The following PRKN variants were observed in gnomAD, a reference collection of about 807,000 sequenced individuals.
The protein encoded by PRKN is E3 ubiquitin-protein ligase parkin.
A neutral mutation model predicts 59.5 loss-of-function variants in PRKN; 56 were observed. The observed-to-expected ratio is 0.94, with a 90% confidence interval of 0.76 to 1.18. The LOEUF (loss-of-function observed/expected upper bound fraction) is 1.18, where lower values mean the gene tolerates loss of function less well. PRKN is among the 50% of genes most tolerant of loss of function. The pLI, the probability that PRKN is intolerant of heterozygous loss-of-function variation, is 0.00. For missense variants in PRKN, 657 were observed against 596.4 expected, an observed-to-expected ratio of 1.10 and a Z score of -1.06; for synonymous variants, 250 against 222.1, an observed-to-expected ratio of 1.13 and a Z score of -1.12.
chr6:162,591,945 T>C (rs751494259), intron 1 of PRKN, among the ~76,000 whole-genome samples: 1 of 151,932 alleles, frequency 6.6e-6, no homozygotes, highest in South Asian at 2.1e-4. Flanking sequence ...TAATAGCAGT[T>C]AGTATACAGC....
intron 10 of PRKN, among the ~76,000 whole-genome samples, chr6:161,364,774 G>A (rs1231587024): frequency 2.0e-5 from 3 of 151,876 alleles, no homozygotes; most frequent in South Asian, 4.1e-4. Flanking sequence ...CAGCGAAACC[G>A]TCTCTACTAA....
At chr6:161,563,795 T>C (rs1780540099) in intron 8 of PRKN, among the ~76,000 whole-genome samples, 1 of 152,200 alleles carries the variant, frequency 6.6e-6, no homozygotes, top group Non-Finnish European at 1.5e-5. Context: ...AATTAGTAAT[T>C]AACCAGCATT....
At chr6:162,131,398 A>G (rs1276217334) in intron 4 of PRKN, among the ~76,000 whole-genome samples, 1 of 152,196 alleles carries the variant, frequency 6.6e-6, no homozygotes, top group Non-Finnish European at 1.5e-5. Flanking sequence ...TTCATAGCAC[A>G]CATTTCCAGG....
At chr6:161,539,589 T>C (rs931190323) in intron 9 of PRKN, among the ~76,000 whole-genome samples, 2 of 152,242 alleles carry the variant, frequency 1.3e-5, no homozygotes, top group Non-Finnish European at 2.9e-5. Context: ...GCTTTTATTT[T>C]TAACATGTAA....
At chr6:162,581,264 G>T in intron 1 of PRKN, among the ~76,000 whole-genome samples, 1 of 152,164 alleles carries the variant, frequency 6.6e-6, no homozygotes, top group South Asian at 2.1e-4. Context: ...TACTTTTCAG[G>T]AGAGATTTTG....
intron 4 of PRKN, among the ~76,000 whole-genome samples, chr6:162,093,832 G>T (rs116194135): frequency 6.6e-6 from 1 of 152,168 alleles, no homozygotes; most frequent in Non-Finnish European, 1.5e-5. Flanking sequence ...GGACAAAGCC[G>T]TGGTCTTCCT....
At chr6:162,626,902 A>G (rs1782921605) in intron 1 of PRKN, among the ~76,000 whole-genome samples, 1 of 152,214 alleles carries the variant, frequency 6.6e-6, no homozygotes, top group African/African-American at 2.4e-5. Flanking sequence ...TCAATAAAAT[A>G]TTCATTTTAA....
intron 4 of PRKN, among the ~76,000 whole-genome samples, chr6:162,153,589 C>A (rs1351991586): frequency 2.6e-5 from 4 of 152,164 alleles, no homozygotes; most frequent in Non-Finnish European, 5.9e-5. Flanking sequence ...GAATTCTTGT[C>A]TGGTACACTG....
chr6:162,394,082 G>T (rs1206684320), intron 2 of PRKN, among the ~76,000 whole-genome samples: 2 of 152,106 alleles, frequency 1.3e-5, no homozygotes, highest in Non-Finnish European at 2.9e-5. Flanking sequence ...TTATAATCTA[G>T]CTTGTATTTC....
chr6:162,263,573 A>T (rs574005335), intron 2 of PRKN, among the ~76,000 whole-genome samples: 1 of 152,326 alleles, frequency 6.6e-6, no homozygotes, highest in Non-Finnish European at 1.5e-5. Flanking sequence ...AGAAGACTTT[A>T]ACATTTTGTA....
At chr6:161,893,931 C>T (rs1032258712) in intron 6 of PRKN, among the ~76,000 whole-genome samples, 33 of 152,150 alleles carry the variant, frequency 2.2e-4, no homozygotes, top group African/African-American at 7.5e-4. Flanking sequence ...TTTTGGCACA[C>T]GATTTGTCAC....
At chr6:162,537,771 T>C (rs1778779158) in intron 1 of PRKN, among the ~76,000 whole-genome samples, 1 of 152,188 alleles carries the variant, frequency 6.6e-6, no homozygotes, top group Admixed American at 6.5e-5. Flanking sequence ...CCACCAGCAG[T>C]GTCCATCTCC....
rs1256037469 is a variant in PRKN, at chr6:161,442,945, G to A, written c.1084-56068C>T. Among the ~76,000 whole-genome samples the A allele has an allele frequency of 6.6e-6, 1 of 152,222 alleles. No individual in the cohort carries two copies. The highest frequency in any genetic ancestry group is 1.9e-4 in the East Asian group (1 of 5,190). ...GGCAAGCCATTCTCCCCAGTGCACA[G>A]ATGAGGAAATCGGGGCTCTGAGAGG... On this transcript the variant is annotated intron_variant, in intron 9 of 11. Coordinates refer to ENST00000366898, the MANE Select transcript of PRKN (RefSeq NM_004562.3). The surrounding 1 kb of genome is among the most constrained non-coding windows in gnomAD (Gnocchi z 4.6).
chr6:161,654,518 C>A (rs529765822), intron 7 of PRKN, among the ~76,000 whole-genome samples: 5 of 152,268 alleles, frequency 3.3e-5, no homozygotes, highest in Non-Finnish European at 5.9e-5. Context: ...GGGCTTGGAC[C>A]CAGATCCCTT....
At chr6:162,237,493 C>G (rs555947502) in intron 3 of PRKN, among the ~76,000 whole-genome samples, 39 of 152,278 alleles carry the variant, frequency 2.6e-4, no homozygotes, top group African/African-American at 8.4e-4. Context: ...CAGTGCTCCT[C>G]TGAACAACTT....
intron 9 of PRKN, among the ~76,000 whole-genome samples, chr6:161,515,021 T>C (rs762941903): frequency 6.6e-6 from 1 of 152,070 alleles, no homozygotes; most frequent in Admixed American, 6.6e-5. Context: ...CATCACAAGA[T>C]GCATAAAAGC....
intron 4 of PRKN, among the ~76,000 whole-genome samples, chr6:162,155,771 C>G (rs1206906323): frequency 6.7e-6 from 1 of 148,832 alleles, no homozygotes; most frequent in Non-Finnish European, 1.5e-5. Flanking sequence ...AATCTTGACA[C>G]TGGCTCAGTG....
intron 9 of PRKN, among the ~76,000 whole-genome samples, chr6:161,486,026 T>C (rs1048387817): frequency 7.2e-5 from 11 of 152,234 alleles, no homozygotes; most frequent in African/African-American, 2.6e-4. Flanking sequence ...GATGTTTACT[T>C]TTTAGCAAAG....
rs771236536 is a variant in PRKN at position 162,727,674 on chromosome 6, C to G, written c.-6G>C. On this transcript the variant is annotated 5_prime_UTR_variant, in exon 1 of 12. Coordinates refer to ENST00000366898, the MANE Select transcript of PRKN (RefSeq NM_004562.3). The stretch of plus-strand genomic sequence containing the variant: ...GGTACCCACGTACCTATCATGGTCA[C>G]TGGGTAGGTGGCGGCTGCGGGCCAG... 4.4e-6 allele frequency: 7 copies of G among 1,580,916 alleles called. No homozygotes were observed. Among genetic ancestry groups the G allele is most frequent in the Admixed American group, 3.6e-5 (2 of 55,532 alleles).
Sources: allele counts gnomAD v4.1 joint callset (sites outside exome capture counted in the v4.1 genomes callset), GRCh38; gene constraint gnomAD v4.1.1; non-coding constraint Gnocchi (gnomAD v3.1); transcripts MANE v1.5; gene names NCBI Gene and HGNC (gene_info 2026-07-23, HGNC 2026-07-21).